The following GNB4 variants were observed in gnomAD, a reference collection of about 807,000 sequenced individuals.
GNB4 encodes the protein G protein subunit beta 4.
In GNB4, 28 loss-of-function variants were observed where a neutral mutation model predicts 45.2. The observed-to-expected ratio is 0.62, with a 90% CI of 0.46 to 0.85. GNB4 has a LOEUF of 0.85. Among genes scored for constraint, GNB4 ranks in the 40% least tolerant of loss-of-function variants. The pLI is 0.00. For synonymous variants in GNB4, 132 were observed against 143.7 expected, an observed-to-expected ratio of 0.92 and a Z score of 0.58; for missense variants, 321 against 425.4, an observed-to-expected ratio of 0.75 and a Z score of 2.16.
At chr3:179,464,335 C>T in the GNB4 span, 10 of 703,538 alleles carry the variant, frequency 1.4e-5, no homozygotes, top group East Asian at 5.4e-5. Flanking sequence ...GCGCAGTCAC[C>T]GGCACAGGCT....
At chr3:179,432,049 T>G (rs1219376410) in intron 1 of GNB4, among the ~76,000 whole-genome samples, 1 of 152,228 alleles carries the variant, frequency 6.6e-6, no homozygotes, top group Non-Finnish European at 1.5e-5. Flanking sequence ...CACCAAGGAC[T>G]TTTAAAGAGA....
intron 1 of GNB4, among the ~76,000 whole-genome samples, chr3:179,434,032 G>A (rs1424491197): frequency 6.6e-6 from 1 of 152,138 alleles, no homozygotes; most frequent in Admixed American, 6.5e-5. Flanking sequence ...ATATTCAATG[G>A]GACAACTCTT....
the GNB4 span, among the ~76,000 whole-genome samples, chr3:179,503,191 A>T: frequency 6.6e-6 from 1 of 152,266 alleles, no homozygotes; most frequent in South Asian, 2.1e-4. Flanking sequence ...ACCTAAAAAA[A>T]CCCATAAATA....
chr3:179,428,080 ATC>A (rs1235872915), intron 1 of GNB4, among the ~76,000 whole-genome samples: 3 of 152,210 alleles, frequency 2.0e-5, no homozygotes, highest in African/African-American at 7.2e-5. Flanking sequence ...TGGTACAAAT[ATC>A]TGTTTATTAT....
intron 8 of GNB4, among the ~76,000 whole-genome samples, chr3:179,407,483 A>T (rs1432091269): frequency 6.6e-6 from 1 of 152,132 alleles, no homozygotes; most frequent in Non-Finnish European, 1.5e-5. Context: ...TAAATAAATA[A>T]GATCATTCCT....
chr3:179,447,882 G>A (rs1028409236), intron 1 of GNB4, among the ~76,000 whole-genome samples: 1 of 152,216 alleles, frequency 6.6e-6, no homozygotes, highest in Admixed American at 6.5e-5. Flanking sequence ...CATTGACTGA[G>A]ATGGAGAAGA....
chr3:179,413,719 T>A lies in GNB4; in HGVS notation c.493A>T (p.Thr165Ser), dbSNP rs748257526. The change falls in exon 7 of 10, where the codon ACT (threonine) becomes TCT (serine). Residue 165 changes from threonine to serine, a missense_variant. Physicochemically the swap from Thr to Ser is moderately conservative, Grantham distance 58. Transcript: ENST00000232564. The stretch of plus-strand genomic sequence containing the variant: ...GTGCTTCTGGAATAAACTTACCAAG[T>A]TGTATCTCCTGAACTTGTAACAATT... The part of the protein sequence containing the change: ...SQIVTSSGDT[T>S]CALWDIETAQ... 1 of 1,614,148 alleles carries A rather than the reference T, an allele frequency of 6.2e-7. No homozygotes were observed. The highest frequency in any genetic ancestry group is 1.7e-5 in the Admixed American group (1 of 60,018).
chr3:179,402,179 A>G (rs918557069), intron 9 of GNB4, among the ~76,000 whole-genome samples: 2 of 152,234 alleles, frequency 1.3e-5, no homozygotes, highest in Admixed American at 1.3e-4. Flanking sequence ...AAAAAAATGA[A>G]CATTGTGGCT....
intron 1 of GNB4, among the ~76,000 whole-genome samples, chr3:179,428,136 T>C (rs1453298162): frequency 6.6e-6 from 1 of 152,246 alleles, no homozygotes; most frequent in East Asian, 1.9e-4. Flanking sequence ...ATTTATTCTT[T>C]CAGAATTCAC....
chr3:179,464,787 T>C, the GNB4 span: 1 of 1,330,826 alleles, frequency 7.5e-7, no homozygotes, highest in Non-Finnish European at 1.1e-6. Context: ...TGCAATGCTG[T>C]TTCTCCAGAC....
At chr3:179,425,770 C>T (rs1387400281) in intron 2 of GNB4, among the ~76,000 whole-genome samples, 1 of 152,224 alleles carries the variant, frequency 6.6e-6, no homozygotes, top group Admixed American at 6.5e-5. Flanking sequence ...TGTGCCCACC[C>T]TAATGATTTT....
At chr3:179,416,628 T>C in intron 4 of GNB4, 72 bp from the exon 5 acceptor site, 1 of 839,036 alleles carries the variant, frequency 1.2e-6, no homozygotes, top group Non-Finnish European at 1.9e-6. Context: ...ATGCATTGCA[T>C]TAATGTAGAA....
the GNB4 span, among the ~76,000 whole-genome samples, chr3:179,477,989 T>C: frequency 6.6e-6 from 1 of 152,118 alleles, no homozygotes; most frequent in African/African-American, 2.4e-5. Flanking sequence ...GACAGGGTAA[T>C]TTATAAAGGA....
At chr3:179,456,634 A>G in the GNB4 span, among the ~76,000 whole-genome samples, 1 of 151,988 alleles carries the variant, frequency 6.6e-6, no homozygotes, top group Non-Finnish European at 1.5e-5. Context: ...ACACATGTAC[A>G]GATTCATGTA....
chr3:179,522,383 A>C, the GNB4 span, among the ~76,000 whole-genome samples: 1 of 152,046 alleles, frequency 6.6e-6, no homozygotes, highest in East Asian at 1.9e-4. Context: ...CCCTTCGCTG[A>C]TTCTCTTTTA....
chr3:179,504,447 C>T, the GNB4 span, among the ~76,000 whole-genome samples: 1 of 152,156 alleles, frequency 6.6e-6, no homozygotes, highest in Non-Finnish European at 1.5e-5. Context: ...GCCCATCTCC[C>T]ACCTCCAGCC....
intron 1 of GNB4, among the ~76,000 whole-genome samples, chr3:179,432,350 A>G (rs749135063): frequency 2.6e-5 from 4 of 152,184 alleles, no homozygotes; most frequent in Non-Finnish European, 5.9e-5. Context: ...AAAAAAAAAC[A>G]CAACTGATTC....
the GNB4 span, among the ~76,000 whole-genome samples, chr3:179,456,992 CAG>C: frequency 7.5e-4 from 114 of 152,310 alleles, no homozygotes; most frequent in Middle Eastern, 3.4e-3. Flanking sequence ...GACCAGACTT[CAG>C]ACTCTACTTA....
At chr3:179,510,811 T>C in the GNB4 span, among the ~76,000 whole-genome samples, 5 of 152,200 alleles carry the variant, frequency 3.3e-5, no homozygotes, top group Non-Finnish European at 7.3e-5. Context: ...GTATGAATTA[T>C]GTATAGGCTG....
Sources: allele counts gnomAD v4.1 joint callset (sites outside exome capture counted in the v4.1 genomes callset), GRCh38; gene constraint gnomAD v4.1.1; transcripts MANE v1.5; gene names NCBI Gene and HGNC (gene_info 2026-07-23, HGNC 2026-07-21).